MYO16: variants seen among roughly 807,000 people sequenced by gnomAD.
MYO16 encodes unconventional myosin-XVI.
In MYO16, 94 loss-of-function variants were observed where a neutral mutation model predicts 205.3. The observed-to-expected ratio is 0.46, with a 90% confidence interval of 0.39 to 0.54. The LOEUF is 0.54. Among genes scored for constraint, MYO16 ranks in the 20% least tolerant of loss-of-function variants. The pLI is 0.00. For missense variants in MYO16, 2,315 were observed against 2,387.5 expected, an observed-to-expected ratio of 0.97 and a Z score of 0.63; for synonymous variants, 988 against 954.0, an observed-to-expected ratio of 1.04 and a Z score of -0.66.
chr13:108,609,554 C>T (rs1453090377), intron 1 of MYO16, among the ~76,000 whole-genome samples: 3 of 152,092 alleles, frequency 2.0e-5, no homozygotes, highest in African/African-American at 7.2e-5. Context: ...GAACAAAAGA[C>T]ACTAGAGGGA....
intron 28 of MYO16, among the ~76,000 whole-genome samples, chr13:109,105,879 A>G (rs1293887408): frequency 6.6e-6 from 1 of 152,222 alleles, no homozygotes; most frequent in Non-Finnish European, 1.5e-5. Flanking sequence ...AACATACTCA[A>G]AATTGCTACT....
At chr13:109,163,796 C>G (rs1471905068) in intron 32 of MYO16, 1 of 152,118 alleles carries the variant, frequency 6.6e-6, no homozygotes, top group African/African-American at 2.4e-5. Context: ...CCTTCTTCAG[C>G]AAAATAAGGA....
the MYO16 span, among the ~76,000 whole-genome samples, chr13:108,581,131 T>G: frequency 9.1e-5 from 9 of 99,082 alleles, no homozygotes; most frequent in Admixed American, 6.6e-4. Flanking sequence ...CATATAAACA[T>G]TTTAGGATAT....
intron 34 of MYO16, among the ~76,000 whole-genome samples, chr13:109,189,881 T>A (rs1879836590): frequency 6.6e-6 from 1 of 152,148 alleles, no homozygotes. Context: ...CTGCCTTCAT[T>A]CTCTACGTTT....
chr13:108,668,095 A>G (rs1881820931), intron 2 of MYO16, among the ~76,000 whole-genome samples: 1 of 152,228 alleles, frequency 6.6e-6, no homozygotes. Flanking sequence ...CCAAATATCT[A>G]CAGTGCACCA....
chr13:108,509,331 G>C, the MYO16 span, among the ~76,000 whole-genome samples: 13 of 152,072 alleles, frequency 8.5e-5, no homozygotes, highest in Admixed American at 2.6e-4. Context: ...AAGGGTTTTT[G>C]GTTGTTAATA....
the MYO16 span, among the ~76,000 whole-genome samples, chr13:108,545,247 A>T: frequency 6.6e-6 from 1 of 152,114 alleles, no homozygotes; most frequent in African/African-American, 2.4e-5. Flanking sequence ...ATAAGTGAAA[A>T]TGGAAAGTAT....
At chr13:109,172,999 A>G (rs1208974091) in intron 33 of MYO16, among the ~76,000 whole-genome samples, 1 of 152,238 alleles carries the variant, frequency 6.6e-6, no homozygotes, top group Non-Finnish European at 1.5e-5. Flanking sequence ...GACAGACATT[A>G]CAATTTGGAA....
chr13:108,888,346 A>C, intron 13 of MYO16, 26 bp from the exon 14 acceptor site: 1 of 1,513,506 alleles, frequency 6.6e-7, no homozygotes, highest in Non-Finnish European at 8.9e-7. Context: ...CTTCAAACTT[A>C]TGTTTTTCCT....
chr13:109,103,173 C>T (rs1202852461), intron 28 of MYO16, among the ~76,000 whole-genome samples: 1 of 152,070 alleles, frequency 6.6e-6, no homozygotes, highest in East Asian at 1.9e-4. Flanking sequence ...AAACAAAAAA[C>T]ACTCATTCCT....
chr13:108,984,440 G>T (rs1884557302), intron 20 of MYO16, among the ~76,000 whole-genome samples: 1 of 152,160 alleles, frequency 6.6e-6, no homozygotes, highest in Non-Finnish European at 1.5e-5. Flanking sequence ...GCTTTCTCTT[G>T]CAGGGTAGCA....
At chr13:108,811,016 C>T (rs1438995255) in intron 7 of MYO16, among the ~76,000 whole-genome samples, 5 of 152,082 alleles carry the variant, frequency 3.3e-5, no homozygotes, top group East Asian at 1.9e-4. Flanking sequence ...ACAACTCTTT[C>T]GTGAGTTGTA....
chr13:109,070,466 T>C (rs995240109), intron 27 of MYO16, among the ~76,000 whole-genome samples: 1 of 152,196 alleles, frequency 6.6e-6, no homozygotes, highest in Non-Finnish European at 1.5e-5. Flanking sequence ...TTTATTGATA[T>C]CCCATACAAG....
At chr13:108,914,602 A>G (rs1184519297) in intron 16 of MYO16, among the ~76,000 whole-genome samples, 2 of 152,184 alleles carry the variant, frequency 1.3e-5, no homozygotes, top group African/African-American at 4.8e-5. Context: ...TTCAATACTT[A>G]TCGTATCTTA....
chr13:108,707,915 G>T (rs1190432921), intron 2 of MYO16, among the ~76,000 whole-genome samples: 10 of 152,062 alleles, frequency 6.6e-5, no homozygotes, highest in Non-Finnish European at 8.8e-5. Flanking sequence ...ATTCTAATGG[G>T]GGCAGAAATA....
intron 23 of MYO16, among the ~76,000 whole-genome samples, chr13:109,040,416 A>AGAGAGAGAGAGAGAGAGAGAGAGAGAG (rs375579978): frequency 2.5e-4 from 37 of 149,674 alleles, no homozygotes; most frequent in East Asian, 5.9e-4. Flanking sequence ...AGAGAGAGAG[A>AGAGAGAGAGAGAGAGAGAGAGAGAGAG]AAATTAAAAA....
At chr13:108,922,849 C>G (rs1881809819) in intron 16 of MYO16, among the ~76,000 whole-genome samples, 1 of 152,080 alleles carries the variant, frequency 6.6e-6, no homozygotes, top group Admixed American at 6.5e-5. Flanking sequence ...TGACAATAAC[C>G]AACATTTGTT....
At chr13:108,858,525 C>T (rs186294937) in intron 11 of MYO16, among the ~76,000 whole-genome samples, 172 of 152,204 alleles carry the variant, frequency 1.1e-3, no homozygotes, top group Admixed American at 3.9e-3. Flanking sequence ...CCTTCCACAC[C>T]CCACATCTGA....
At chr13:109,138,518 A>C (rs896998011) in intron 31 of MYO16, among the ~76,000 whole-genome samples, 1 of 152,120 alleles carries the variant, frequency 6.6e-6, no homozygotes, top group Non-Finnish European at 1.5e-5. Flanking sequence ...ACTTATATTT[A>C]AGTAGTTTTG....
Sources: gnomAD v4.1 joint callset for allele counts (sites outside exome capture counted in the v4.1 genomes callset) on GRCh38, gnomAD v4.1.1 for gene constraint, MANE v1.5 for transcripts, NCBI Gene and HGNC (gene_info 2026-07-23, HGNC 2026-07-21) for gene names.